The following FRYL variants were observed in gnomAD, a reference collection of about 807,000 sequenced individuals.
FRYL encodes protein furry homolog-like.
Under a neutral mutation model 351.2 loss-of-function variants are expected in FRYL, and 150 were observed. The observed-to-expected ratio is 0.43, with a 90% CI of 0.37 to 0.49. FRYL has a LOEUF of 0.49. Ranked by LOEUF, FRYL falls within the 20% of genes least tolerant of loss-of-function variation. FRYL has a pLI of 0.00. For synonymous variants in FRYL, 1,153 were observed against 1,257.1 expected, an observed-to-expected ratio of 0.92 and a Z score of 1.75; for missense variants, 3,036 against 3,619.3, an observed-to-expected ratio of 0.84 and a Z score of 4.13.
chr4:48,567,494 A>G lies in FRYL; in HGVS notation c.2997-74T>C. 1 of 1,098,366 alleles carries G rather than the reference A, an allele frequency of 9.1e-7. No homozygotes were observed. The highest frequency in any genetic ancestry group is 1.3e-6 in the Non-Finnish European group (1 of 781,800). The allele number at this position is 1,098,366 out of a possible 1,614,324, so 68.0% of individuals were successfully genotyped here. A position where few individuals can be genotyped will look rare whatever the true frequency, so the allele number is the denominator to read the frequency against. On this transcript the variant is annotated intron_variant, in intron 27 of 63. Coordinates refer to ENST00000358350, the MANE Select transcript of FRYL (RefSeq NM_015030.2). This position sits in a 1 kb window ranked among gnomAD's most constrained non-coding sequence, Gnocchi z 4.2. The stretch of plus-strand genomic sequence containing the variant: ...TTTAAATAAAAAATTCTTAATACTC[A>G]AAATCAGAATAATACATGTTAATTT...
At chr4:48,747,167 C>CCT (rs542627179) in intron 1 of FRYL, among the ~76,000 whole-genome samples, 1 of 150,864 alleles carries the variant, frequency 6.6e-6, no homozygotes, top group Non-Finnish European at 1.5e-5. Flanking sequence ...CCCTATCCCC[C>CCT]CCCAAAAAAA....
intron 16 of FRYL, among the ~76,000 whole-genome samples, chr4:48,592,083 T>A (rs796532754): frequency 2.0e-3 from 12 of 6,032 alleles, no homozygotes; most frequent in Admixed American, 5.3e-3. Flanking sequence ...ATAAAGCTCT[T>A]ATATATATAT....
Position 48,565,567 on chromosome 4 carries a change from A to G in FRYL, c.3294T>C (p.Asn1098=), listed in dbSNP as rs1360853478. The change falls in exon 29 of 64, where the codon AAT becomes AAC. Residue 1098 remains asparagine (N), a synonymous_variant. Coordinates refer to ENST00000358350, the MANE Select transcript of FRYL (RefSeq NM_015030.2). ...AGTATTGATGTCTATTAATTTGCAT[A>G]TTTCTATCACTGTATCTGTCCAAGG... ...FTPLDRYSDR[N]MQINRHQYCA... The G allele has an allele frequency of 1.9e-6, 3 of 1,610,524 alleles. No individual in the cohort carries two copies. Among genetic ancestry groups the G allele is most frequent in the East Asian group, 2.2e-5 (1 of 44,840 alleles).
At chr4:48,582,379 G>A in intron 20 of FRYL, 118 bp downstream of exon 20, 1 of 678,426 alleles carries the variant, frequency 1.5e-6, no homozygotes, top group Non-Finnish European at 2.6e-6. Flanking sequence ...GGAACACATT[G>A]AGAGTGAATA....
rs1208833067 is a variant in FRYL at position 48,546,281 on chromosome 4, A to G, written c.5075-10T>C. 1 of 1,600,490 alleles carries G rather than the reference A, an allele frequency of 6.2e-7. No individual in the cohort carries two copies. Among genetic ancestry groups the G allele is most frequent in the African/African-American group, 1.3e-5 (1 of 74,562 alleles). ...AAATCGTTAATGCCTGCTGAAAGAG[A>G]AAGATCGTCATGAATACCTAAAACA... On this transcript the variant is annotated splice_polypyrimidine_tract_variant and intron_variant, in intron 41 of 63. Transcript: ENST00000358350.
At chr4:48,696,517 G>A (rs1233568249) in intron 2 of FRYL, among the ~76,000 whole-genome samples, 1 of 151,980 alleles carries the variant, frequency 6.6e-6, no homozygotes, top group South Asian at 2.1e-4. Context: ...TCACACACTG[G>A]GGCCAGTCAG....
chr4:48,563,030 G>C, intron 31 of FRYL, 42 bp from the exon 32 acceptor site: 1 of 1,226,412 alleles, frequency 8.2e-7, no homozygotes. Context: ...ACAATGTTTA[G>C]AGGCTTTTGC....
In FRYL at chr4:48,549,781, T is replaced by C. The variant is rs1732265390; in HGVS notation, c.4634-158A>G. Among the ~76,000 whole-genome samples the C allele has an allele frequency of 6.6e-6, 1 of 152,144 alleles. No homozygotes were observed. The highest frequency in any genetic ancestry group is 6.5e-5 in the Admixed American group (1 of 15,278). Reference sequence around the variant, plus strand: ...TGCTAGGAAAATCTAGGCACAAATATTATCAAATTAAGCAAACCAGGGAGA... The same window carrying C: ...TGCTAGGAAAATCTAGGCACAAATACTATCAAATTAAGCAAACCAGGGAGA... On this transcript the variant is annotated intron_variant, in intron 38 of 63. Coordinates refer to ENST00000358350, the MANE Select transcript of FRYL (RefSeq NM_015030.2). The surrounding 1 kb of genome is among the most constrained non-coding windows in gnomAD (Gnocchi z 4.2).
intron 13 of FRYL, among the ~76,000 whole-genome samples, chr4:48,599,186 T>C (rs1745201215): frequency 2.6e-5 from 4 of 152,190 alleles, no homozygotes. Context: ...AAGTATAGAT[T>C]GTTGAAAAAA....
chr4:48,499,910 CTCA>C (rs1719180807), intron 63 of FRYL, 117 bp downstream of exon 63: 1 of 817,366 alleles, frequency 1.2e-6, no homozygotes, highest in African/African-American at 1.7e-5. Flanking sequence ...GTTAAAAATA[CTCA>C]TGTTTTTCTT....
chr4:48,767,628 T>C (rs1441144699), intron 1 of FRYL, among the ~76,000 whole-genome samples: 1 of 152,070 alleles, frequency 6.6e-6, no homozygotes, highest in Admixed American at 6.5e-5. Context: ...AAACTCAGAG[T>C]AACAGAGTAG....
intron 16 of FRYL, among the ~76,000 whole-genome samples, chr4:48,592,641 C>T (rs972541297): frequency 6.6e-6 from 1 of 152,028 alleles, no homozygotes; most frequent in Non-Finnish European, 1.5e-5. Flanking sequence ...CCATTTTTGT[C>T]GGTAGAAACC....
rs1204863623 is a variant in FRYL, at chr4:48,549,752, T to A, written c.4634-129A>T. ...AAAAAAATTTCCCACTATTTCAACA[T>A]GTTTGCTAGGAAAATCTAGGCACAA... On this transcript the variant is annotated intron_variant, in intron 38 of 63. Transcript: ENST00000358350. This position sits in a 1 kb window ranked among gnomAD's most constrained non-coding sequence, Gnocchi z 4.2. 1 of 684,748 alleles carries A rather than the reference T, an allele frequency of 1.5e-6. No individual in the cohort carries two copies. Among genetic ancestry groups the A allele is most frequent in the Non-Finnish European group, 2.3e-6 (1 of 429,568 alleles). 42.4% of individuals were successfully genotyped at this position (684,748 alleles called of 1,614,324 possible). A position where few individuals can be genotyped will look rare whatever the true frequency, so the allele number is the denominator to read the frequency against.
intron 19 of FRYL, 57 bp downstream of exon 19, chr4:48,586,564 G>C: frequency 8.9e-7 from 1 of 1,120,240 alleles, no homozygotes; most frequent in East Asian, 2.4e-5. Context: ...AGGTATATTA[G>C]AAATATAAAG....
intron 7 of FRYL, among the ~76,000 whole-genome samples, chr4:48,614,027 G>T (rs1009841978): frequency 4.0e-5 from 6 of 150,482 alleles, no homozygotes; most frequent in Admixed American, 1.3e-4. Context: ...TCATATTACT[G>T]CCAGGAAAGA....
chr4:48,708,204 A>C (rs1267820024), intron 2 of FRYL, among the ~76,000 whole-genome samples: 2 of 150,286 alleles, frequency 1.3e-5, no homozygotes, highest in Non-Finnish European at 3.0e-5. Flanking sequence ...GCTTGAACCC[A>C]GGAGGCGGAG....
At chr4:48,535,918 AT>A in intron 47 of FRYL, 91 bp from the exon 48 acceptor site, 3 of 1,032,466 alleles carry the variant, frequency 2.9e-6, no homozygotes, top group Non-Finnish European at 4.0e-6. Flanking sequence ...TAATGAAATA[AT>A]TTAGATGTAT....
At chr4:48,612,659 AG>A (rs1211804954) in intron 7 of FRYL, among the ~76,000 whole-genome samples, 1 of 152,162 alleles carries the variant, frequency 6.6e-6, no homozygotes, top group Non-Finnish European at 1.5e-5. Flanking sequence ...GCTCACTGCA[AG>A]CTCCACCTCT....
chr4:48,775,217 C>T (rs140220923), intron 1 of FRYL, among the ~76,000 whole-genome samples: 191 of 152,254 alleles, frequency 1.3e-3, no homozygotes, highest in Non-Finnish European at 1.9e-3. Context: ...GAGGCTATGC[C>T]GAAAAATAAA....
Sources: gnomAD v4.1 joint callset for allele counts (sites outside exome capture counted in the v4.1 genomes callset) on GRCh38, gnomAD v4.1.1 for gene constraint, Gnocchi (gnomAD v3.1) non-coding constraint, MANE v1.5 for transcripts, NCBI Gene and HGNC (gene_info 2026-07-23, HGNC 2026-07-21) for gene names.